Variants in ZFHX3 observed in about 807,000 individuals in gnomAD.
ZFHX3 encodes the protein zinc finger homeobox protein 3.
Under a neutral mutation model 279.1 loss-of-function variants are expected in ZFHX3, and 42 were observed. The ratio of observed to expected loss-of-function variants is 0.15; its 90% CI spans 0.12 to 0.19. The LOEUF (loss-of-function observed/expected upper bound fraction) is 0.19. Among genes scored for constraint, ZFHX3 ranks in the 10% least tolerant of loss-of-function variants. ZFHX3 has a pLI of 1.00. For missense variants in ZFHX3, 4,981 were observed against 4,754.0 expected, an observed-to-expected ratio of 1.05 and a Z score of -1.40; for synonymous variants, 2,293 against 1,957.8, an observed-to-expected ratio of 1.17 and a Z score of -4.52.
chr16:72,882,160 T>C (rs2038492422), intron 4 of ZFHX3, among the ~76,000 whole-genome samples: 1 of 135,710 alleles, frequency 7.4e-6, no homozygotes, highest in Non-Finnish European at 1.5e-5. Flanking sequence ...CATCAGCAGG[T>C]ACCCCTTTTT....
chr16:73,650,316 C>T (rs1187180895), intron 2 of ZFHX3, among the ~76,000 whole-genome samples: 4 of 149,436 alleles, frequency 2.7e-5, no homozygotes, highest in African/African-American at 4.9e-5. Context: ...AGTACTAAAG[C>T]TTTTTTTGCC....
intron 1 of ZFHX3, among the ~76,000 whole-genome samples, chr16:73,790,990 G>A (rs1366824801): frequency 6.6e-6 from 1 of 151,894 alleles, no homozygotes; most frequent in Non-Finnish European, 1.5e-5. Flanking sequence ...TTAGAGACAG[G>A]GTCTCATTCT....
chr16:73,857,289 A>AC (rs746357797), intron 1 of ZFHX3, among the ~76,000 whole-genome samples: 39 of 152,208 alleles, frequency 2.6e-4, no homozygotes, highest in Non-Finnish European at 4.9e-4. Flanking sequence ...ATATACTGAA[A>AC]CCCAAAATGT....
intron 1 of ZFHX3, among the ~76,000 whole-genome samples, chr16:73,842,545 G>C (rs1475883703): frequency 6.6e-6 from 1 of 152,066 alleles, no homozygotes; most frequent in Non-Finnish European, 1.5e-5. Flanking sequence ...TGTCCCCTCT[G>C]ACTCCACCAC....
At chr16:73,836,973 A>G (rs189997025) in intron 1 of ZFHX3, among the ~76,000 whole-genome samples, 342 of 152,266 alleles carry the variant, frequency 2.2e-3, no homozygotes, top group African/African-American at 7.8e-3. Flanking sequence ...GCAGCATGAG[A>G]CCTTCACCAG....
rs371527503 is a variant in ZFHX3 at position 73,615,801 on chromosome 16, A to C, written c.-1547+64379T>G. 5.9e-5 allele frequency among the ~76,000 whole-genome samples: 9 copies of C among 152,188 alleles called. No individual in the cohort carries two copies. In the South Asian group the frequency reaches 1.2e-3, roughly 21 times the overall value. On this transcript the variant is annotated intron_variant, in intron 2 of 17. Transcript: ENST00000641206. Reference sequence around the variant, plus strand: ...ACTGACACTCGCAGAAACACCTTGGAAGCATGTAGATACAAATAAAAGACA... The same window carrying C: ...ACTGACACTCGCAGAAACACCTTGGCAGCATGTAGATACAAATAAAAGACA...
intron 1 of ZFHX3, among the ~76,000 whole-genome samples, chr16:73,870,215 G>A (rs1055922483): frequency 3.9e-5 from 6 of 152,144 alleles, no homozygotes; most frequent in Non-Finnish European, 1.5e-5. Flanking sequence ...TGTTTGCATT[G>A]TGTGCAATTC....
intron 3 of ZFHX3, among the ~76,000 whole-genome samples, chr16:72,905,687 G>A (rs1312888785): frequency 6.6e-6 from 1 of 152,144 alleles, no homozygotes; most frequent in African/African-American, 2.4e-5. Context: ...ACATATTTTA[G>A]TTCTAAACAT....
upstream of ZFHX3, among the ~76,000 whole-genome samples, chr16:73,050,926 A>T (rs1054053738): frequency 6.6e-6 from 1 of 152,158 alleles, no homozygotes; most frequent in Non-Finnish European, 1.5e-5. Context: ...CCACTCTCCA[A>T]GCCAGAGGCC....
rs140665927 is a variant in ZFHX3, at chr16:72,842,251, C to T, written c.3449-12392G>A. 8.6e-3 allele frequency among the ~76,000 whole-genome samples: 1,312 copies of T among 151,792 alleles called. 26 individuals are homozygous for T. The highest frequency in any genetic ancestry group is 0.028 in the African/African-American group (1,137 of 41,306). ...TTCTTTTTTTGAGACAAGGTCTTGC[C>T]CTGTTGCCCAGGCTGGAGTGCAGTG... is the stretch of plus-strand genomic sequence containing the variant. On this transcript the variant is annotated intron_variant, in intron 4 of 9. Coordinates refer to ENST00000268489, the MANE Select transcript of ZFHX3 (RefSeq NM_006885.4).
chr16:73,209,151 A>G (rs2011914666), intron 5 of ZFHX3, among the ~76,000 whole-genome samples: 1 of 152,228 alleles, frequency 6.6e-6, no homozygotes, highest in African/African-American at 2.4e-5. Flanking sequence ...ATCTACTAAT[A>G]TATTAGAGAT....
At chr16:73,311,217 G>A (rs1209155819) in intron 4 of ZFHX3, among the ~76,000 whole-genome samples, 1 of 151,774 alleles carries the variant, frequency 6.6e-6, no homozygotes, top group Non-Finnish European at 1.5e-5. Context: ...TGGGGGACAA[G>A]AGAGAGACTT....
At chr16:72,838,353 G>GC (rs58470266) in intron 4 of ZFHX3, among the ~76,000 whole-genome samples, 149,869 of 152,344 alleles carry the variant, frequency 0.98, 73,744 homozygotes, top group Non-Finnish European at 0.99. Context: ...CCAGGCTGCA[G>GC]CTGCGTGTTC....
chr16:72,788,888 C>T (rs2035581964), intron 9 of ZFHX3, 40 bp from the exon 10 acceptor site: 4 of 1,512,880 alleles, frequency 2.6e-6, no homozygotes, highest in East Asian at 2.3e-5. Context: ...TCAGTCTGGG[C>T]AGGGGTAGGG....
intron 5 of ZFHX3, among the ~76,000 whole-genome samples, chr16:73,156,007 C>T (rs542578946): frequency 2.0e-5 from 3 of 151,796 alleles, no homozygotes; most frequent in Non-Finnish European, 4.4e-5. Context: ...CCGAGATGGG[C>T]GGATCACAAG....
intron 5 of ZFHX3, among the ~76,000 whole-genome samples, chr16:73,152,282 T>C (rs1966961744): frequency 6.6e-6 from 1 of 152,202 alleles, no homozygotes; most frequent in Non-Finnish European, 1.5e-5. Flanking sequence ...TCGCATTCTA[T>C]TCCCAGCTGT....
At chr16:73,508,817 C>T (rs142671625) in intron 2 of ZFHX3, among the ~76,000 whole-genome samples, 74 of 152,310 alleles carry the variant, frequency 4.9e-4, no homozygotes, top group African/African-American at 1.7e-3. Context: ...GTGTCCTTCT[C>T]CTTCTTTGTC....
At chr16:72,819,859 C>T (rs966193339) in intron 5 of ZFHX3, among the ~76,000 whole-genome samples, 3 of 152,194 alleles carry the variant, frequency 2.0e-5, no homozygotes, top group Admixed American at 6.5e-5. Flanking sequence ...GTTCTGTTAG[C>T]GTAATCCAGA....
intron 2 of ZFHX3, among the ~76,000 whole-genome samples, chr16:73,532,073 G>A (rs1251138574): frequency 1.3e-5 from 2 of 152,048 alleles, no homozygotes; most frequent in Non-Finnish European, 2.9e-5. Context: ...GGGCAACAGA[G>A]TGAGACCCTG....
Sources: gnomAD v4.1 joint callset for allele counts (sites outside exome capture counted in the v4.1 genomes callset) on GRCh38, gnomAD v4.1.1 for gene constraint, MANE v1.5 for transcripts, NCBI Gene and HGNC (gene_info 2026-07-23, HGNC 2026-07-21) for gene names.